Variants in CCDC73 observed in about 807,000 individuals in gnomAD.
CCDC73 encodes the protein coiled-coil domain-containing protein 73.
A neutral mutation model predicts 116.5 loss-of-function variants in CCDC73; 95 were observed. The ratio of observed to expected loss-of-function variants is 0.82; its 90% CI spans 0.69 to 0.97. The LOEUF (loss-of-function observed/expected upper bound fraction) is 0.97. CCDC73 is among the 50% of genes least tolerant of loss of function. CCDC73 has a pLI of 0.00. For synonymous variants in CCDC73, 398 were observed against 401.3 expected, an observed-to-expected ratio of 0.99 and a Z score of 0.10; for missense variants, 1,066 against 1,206.8, an observed-to-expected ratio of 0.88 and a Z score of 1.73.
intron 2 of CCDC73, among the ~76,000 whole-genome samples, chr11:32,756,579 A>T (rs1353544997): frequency 6.6e-6 from 1 of 150,856 alleles, no homozygotes; most frequent in Non-Finnish European, 1.5e-5. Flanking sequence ...GAAGATGTAA[A>T]GCCTATTTCT....
At chr11:32,782,776 G>GA (rs936991065) in intron 1 of CCDC73, among the ~76,000 whole-genome samples, 7 of 151,178 alleles carry the variant, frequency 4.6e-5, no homozygotes, top group African/African-American at 1.5e-4. Context: ...TTACATTGAT[G>GA]AAAAAAAAGA....
At chr11:32,660,423 A>ATTGAGCT (rs1855912755) in intron 9 of CCDC73, among the ~76,000 whole-genome samples, 1 of 151,926 alleles carries the variant, frequency 6.6e-6, no homozygotes, top group Admixed American at 6.6e-5. Flanking sequence ...TTGCTTCAAT[A>ATTGAGCT]TTGAGCTTCT....
intron 9 of CCDC73, among the ~76,000 whole-genome samples, chr11:32,675,070 C>T (rs970916420): frequency 6.6e-6 from 1 of 152,148 alleles, no homozygotes; most frequent in African/African-American, 2.4e-5. Context: ...AATAAAGTCA[C>T]CTGTGATGTC....
rs139559652 is a variant in CCDC73 at position 32,715,368 on chromosome 11, C to A, written c.207+2708G>T. On this transcript the variant is annotated intron_variant, in intron 3 of 17. Coordinates refer to ENST00000335185, the MANE Select transcript of CCDC73 (RefSeq NM_001008391.4). ...CTACAAGTTCTGATAACAAACTTTT[C>A]TTTAGTGTTTTTCCACGTTGGTGTG... Among the ~76,000 whole-genome samples, 539 of 152,204 alleles carry A rather than the reference C, an allele frequency of 3.5e-3. 6 individuals are homozygous for A. Among genetic ancestry groups the A allele is most frequent in the African/African-American group, 0.013 (520 of 41,548 alleles).
chr11:32,694,346 A>G (rs1199384192), intron 6 of CCDC73, among the ~76,000 whole-genome samples: 1 of 152,236 alleles, frequency 6.6e-6, no homozygotes, highest in Non-Finnish European at 1.5e-5. Flanking sequence ...ATACCTAGGA[A>G]TCCAATTTAC....
chr11:32,736,016 G>A lies in CCDC73; in HGVS notation c.136-17869C>T, dbSNP rs572680556. On this transcript the variant is annotated intron_variant, in intron 2 of 17. Coordinates refer to ENST00000335185, the MANE Select transcript of CCDC73 (RefSeq NM_001008391.4). ...CTTTATACAAAAATTAATTCAAGATGGATTAAAGACTTAAATGTTAGACCT... is the reference window on the plus strand; with the variant it reads ...CTTTATACAAAAATTAATTCAAGATAGATTAAAGACTTAAATGTTAGACCT... Among the ~76,000 whole-genome samples, 491 of 152,082 alleles carry A rather than the reference G, an allele frequency of 3.2e-3. 10 individuals carry two copies. The highest frequency in any genetic ancestry group is 0.011 in the African/African-American group (476 of 41,464).
intron 2 of CCDC73, among the ~76,000 whole-genome samples, chr11:32,745,639 C>T (rs1288946517): frequency 1.2e-4 from 18 of 151,896 alleles, no homozygotes; most frequent in Non-Finnish European, 4.4e-5. Context: ...GAATTGATCC[C>T]TTTACCATTA....
At chr11:32,768,853 A>G (rs1850468334) in intron 1 of CCDC73, among the ~76,000 whole-genome samples, 1 of 152,202 alleles carries the variant, frequency 6.6e-6, no homozygotes. Context: ...TCAAAAAAAT[A>G]AAAGAAAGAA....
chr11:32,817,091 G>C, the CCDC73 span, among the ~76,000 whole-genome samples: 1 of 152,178 alleles, frequency 6.6e-6, no homozygotes, highest in African/African-American at 2.4e-5. Context: ...AGCCCTAAAT[G>C]GTTTTCATAT....
chr11:32,653,646 A>C (rs906431021), intron 11 of CCDC73, among the ~76,000 whole-genome samples: 3 of 152,200 alleles, frequency 2.0e-5, no homozygotes, highest in African/African-American at 4.8e-5. Context: ...AAACAGGAGG[A>C]ATATTCTTTC....
At chr11:32,641,801 A>G (rs1855735340) in intron 13 of CCDC73, among the ~76,000 whole-genome samples, 171 bp downstream of exon 13, 1 of 151,640 alleles carries the variant, frequency 6.6e-6, no homozygotes, top group African/African-American at 2.4e-5. Context: ...GAATTTCATT[A>G]AATTTAGCTT....
chr11:32,614,947 C>A lies in CCDC73; in HGVS notation c.1376-5G>T. 1.3e-6 allele frequency: 2 copies of A among 1,577,554 alleles called. No individual in the cohort carries two copies. The highest frequency in any genetic ancestry group is 2.3e-5 in the South Asian group (2 of 87,406). On this transcript the variant is annotated splice_region_variant and splice_polypyrimidine_tract_variant and intron_variant, in intron 15 of 17. Transcript: ENST00000335185. ...TTTTTTCAAAAAGCTGTAAATCTGT[C>A]ATGATGGGAACACAGTAAAATTTTA...
At chr11:32,627,924 A>G (rs1855591833) in intron 14 of CCDC73, among the ~76,000 whole-genome samples, 2 of 152,312 alleles carry the variant, frequency 1.3e-5, no homozygotes. Context: ...TACATATGTA[A>G]CAAATCTGCA....
intron 6 of CCDC73, among the ~76,000 whole-genome samples, chr11:32,690,011 A>G (rs930266267): frequency 7.2e-5 from 11 of 152,110 alleles, no homozygotes; most frequent in Admixed American, 2.6e-4. Flanking sequence ...AAAGAAAATT[A>G]CATAAGATGC....
the CCDC73 span, among the ~76,000 whole-genome samples, chr11:32,816,565 G>A: frequency 6.6e-6 from 1 of 152,116 alleles, no homozygotes; most frequent in Non-Finnish European, 1.5e-5. Flanking sequence ...CAGTGAAAGA[G>A]AGAAGAAAAG....
the CCDC73 span, among the ~76,000 whole-genome samples, chr11:32,826,725 T>C: frequency 2.6e-5 from 4 of 151,140 alleles, no homozygotes; most frequent in Non-Finnish European, 5.9e-5. Context: ...ATTTACTTCA[T>C]GCTTCAATAT....
At chr11:32,812,245 T>C in the CCDC73 span, among the ~76,000 whole-genome samples, 1 of 152,238 alleles carries the variant, frequency 6.6e-6, no homozygotes, top group African/African-American at 2.4e-5. Flanking sequence ...ATCTAATGAA[T>C]GGCTGGGTGC....
chr11:32,621,979 C>T (rs117791635), intron 14 of CCDC73, among the ~76,000 whole-genome samples: 283 of 152,180 alleles, frequency 1.9e-3, no homozygotes, highest in Non-Finnish European at 3.4e-3. Context: ...CACGCCAAGT[C>T]AGAATGGTGA....
At chr11:32,662,624 C>G (rs1855941596) in intron 9 of CCDC73, among the ~76,000 whole-genome samples, 1 of 151,484 alleles carries the variant, frequency 6.6e-6, no homozygotes, top group Non-Finnish European at 1.5e-5. Flanking sequence ...AATTTTTTTC[C>G]CATTCTGTAG....
Sources: allele counts gnomAD v4.1 joint callset (sites outside exome capture counted in the v4.1 genomes callset), GRCh38; gene constraint gnomAD v4.1.1; transcripts MANE v1.5; gene names NCBI Gene and HGNC (gene_info 2026-07-23, HGNC 2026-07-21).